ALK: variants seen among roughly 807,000 people sequenced by gnomAD.
The protein encoded by ALK is ALK tyrosine kinase receptor.
ALK carries 74 observed loss-of-function variants against 163.1 expected under a neutral mutation model. The observed-to-expected ratio is 0.45, with a 90% CI of 0.38 to 0.55. The LOEUF is 0.55. ALK is among the 20% of genes least tolerant of loss of function. The pLI, the probability that ALK is intolerant of heterozygous loss-of-function variation, is 0.00. For missense variants in ALK, 2,063 were observed against 2,105.3 expected (o/e 0.98, Z 0.39); for synonymous variants, 960 against 843.2 (o/e 1.14, Z -2.40).
intron 5 of ALK, among the ~76,000 whole-genome samples, chr2:29,370,257 C>G (rs968516138): frequency 6.6e-6 from 1 of 152,224 alleles, no homozygotes; most frequent in African/African-American, 2.4e-5. Flanking sequence ...TCCTGGATCT[C>G]TGGGTAGTGG....
At chr2:29,676,325 T>C (rs1677871560) in intron 3 of ALK, among the ~76,000 whole-genome samples, 1 of 152,114 alleles carries the variant, frequency 6.6e-6, no homozygotes. Flanking sequence ...GTAGAAACTG[T>C]ATACTTTTGG....
At chr2:29,880,609 T>C (rs542591732) in intron 1 of ALK, among the ~76,000 whole-genome samples, 64 of 152,320 alleles carry the variant, frequency 4.2e-4, no homozygotes, top group Non-Finnish European at 8.5e-4. Flanking sequence ...GCTGAAAGAA[T>C]AGCCCAAGTG....
chr2:29,285,154 G>A (rs552235950), intron 9 of ALK, among the ~76,000 whole-genome samples: 25 of 152,338 alleles, frequency 1.6e-4, no homozygotes, highest in African/African-American at 5.8e-4. Context: ...TTCACACTGA[G>A]GCTCCAATCA....
At chr2:29,197,439 G>A (rs2148142871) in intron 27 of ALK, 103 bp downstream of exon 27, 1 of 1,546,676 alleles carries the variant, frequency 6.5e-7, no homozygotes, top group Non-Finnish European at 8.8e-7. Context: ...AGGGAGGGCA[G>A]CCATCTGCCC....
intron 1 of ALK, among the ~76,000 whole-genome samples, chr2:29,797,227 T>C (rs528366047): frequency 1.3e-5 from 2 of 152,318 alleles, no homozygotes; most frequent in South Asian, 2.1e-4. Flanking sequence ...TCCCATCCTG[T>C]ATATTCTAAC....
intron 2 of ALK, among the ~76,000 whole-genome samples, chr2:29,717,103 C>T (rs1006495758): frequency 1.1e-4 from 15 of 138,308 alleles, no homozygotes; most frequent in South Asian, 7.0e-4. Context: ...ACCCAGGAGG[C>T]GGAGCTTGCA....
intron 3 of ALK, among the ~76,000 whole-genome samples, chr2:29,550,556 T>A (rs529602553): frequency 6.6e-6 from 1 of 152,370 alleles, no homozygotes; most frequent in African/African-American, 2.4e-5. Flanking sequence ...TAGATAAGGC[T>A]GAAGAAGGTG....
chr2:29,221,120 G>A lies in ALK; in HGVS notation c.3516-285C>T, dbSNP rs774516569. On this transcript the variant is annotated intron_variant, in intron 22 of 28. Coordinates refer to ENST00000389048, the MANE Select transcript of ALK (RefSeq NM_004304.5). ...CTTGGGTGAGGAAGTGTCTCAGGGG[G>A]CAGGAGAGTGTCTTTCTCAGATACT... 200 of 582,708 alleles carry A rather than the reference G, an allele frequency of 3.4e-4. 1 individual carries two copies. Among genetic ancestry groups the A allele is most frequent in the South Asian group, 1.6e-3 (108 of 65,560 alleles). The allele number at this position is 582,708 out of a possible 1,614,324, so 36.1% of individuals were successfully genotyped here. A position where few individuals can be genotyped will look rare whatever the true frequency, so the allele number is the denominator to read the frequency against.
intron 13 of ALK, among the ~76,000 whole-genome samples, chr2:29,234,118 G>A (rs143365796): frequency 1.5e-3 from 229 of 152,272 alleles, no homozygotes; most frequent in East Asian, 3.1e-3. Flanking sequence ...AAAAGCACAA[G>A]GGTCTCTTTG....
chr2:29,864,197 G>T (rs1339143169), intron 1 of ALK, among the ~76,000 whole-genome samples: 4 of 152,106 alleles, frequency 2.6e-5, no homozygotes, highest in Non-Finnish European at 5.9e-5. Context: ...TCTTGTCCCT[G>T]GCTACGTACA....
rs113220715 is a variant in ALK, at chr2:29,855,355, T to C, written c.667+64638A>G. Among the ~76,000 whole-genome samples the C allele has an allele frequency of 5.0e-3, 754 of 152,248 alleles. 4 individuals carry two copies. Among genetic ancestry groups the C allele is most frequent in the African/African-American group, 0.017 (721 of 41,550 alleles). ...CCATGCTATTCCCACTGTACAGGGC[T>C]GCCACCCTGATGCACAAGTAACTCA... On this transcript the variant is annotated intron_variant, in intron 1 of 28. Transcript: ENST00000389048.
intron 4 of ALK, among the ~76,000 whole-genome samples, chr2:29,503,464 A>C (rs557972234): frequency 1.3e-5 from 2 of 152,388 alleles, no homozygotes; most frequent in East Asian, 3.9e-4. Flanking sequence ...CAGGGAAATT[A>C]GATCTCACAG....
intron 2 of ALK, among the ~76,000 whole-genome samples, chr2:29,696,280 A>G (rs1268343343): frequency 6.6e-6 from 1 of 152,182 alleles, no homozygotes; most frequent in Non-Finnish European, 1.5e-5. Flanking sequence ...AAACTAACAC[A>G]GGAACAGAAA....
intron 5 of ALK, among the ~76,000 whole-genome samples, 200 bp downstream of exon 5, chr2:29,383,532 G>A (rs192965578): frequency 6.6e-6 from 1 of 152,148 alleles, no homozygotes; most frequent in Non-Finnish European, 1.5e-5. Context: ...GGCCAGGCTG[G>A]TCTTGAACTC....
intron 3 of ALK, among the ~76,000 whole-genome samples, chr2:29,545,361 A>T (rs978967822): frequency 6.6e-6 from 1 of 152,202 alleles, no homozygotes; most frequent in Non-Finnish European, 1.5e-5. Context: ...TTCAAACTTG[A>T]ATTCTACTAT....
At chr2:29,328,309 G>C in intron 6 of ALK, 41 bp downstream of exon 6, 1 of 1,613,836 alleles carries the variant, frequency 6.2e-7, no homozygotes, top group Non-Finnish European at 8.5e-7. Flanking sequence ...TTATGAGCAT[G>C]GGCTGGGCTC....
At chr2:29,600,039 C>T (rs1285633916) in intron 3 of ALK, among the ~76,000 whole-genome samples, 1 of 152,138 alleles carries the variant, frequency 6.6e-6, no homozygotes, top group Non-Finnish European at 1.5e-5. Flanking sequence ...AGAGCTCACT[C>T]CGGTGAGGAC....
intron 3 of ALK, among the ~76,000 whole-genome samples, chr2:29,647,561 T>C (rs1297407077): frequency 1.3e-5 from 2 of 152,136 alleles, no homozygotes; most frequent in East Asian, 1.9e-4. Context: ...GCATCTCTAT[T>C]TGAAGCTCTC....
intron 1 of ALK, among the ~76,000 whole-genome samples, chr2:29,803,875 T>G (rs1251238283): frequency 6.6e-6 from 1 of 152,220 alleles, no homozygotes; most frequent in Non-Finnish European, 1.5e-5. Flanking sequence ...GGGCTCTGCC[T>G]CAATGTCCCT....
Sources: allele counts gnomAD v4.1 joint callset (sites outside exome capture counted in the v4.1 genomes callset), GRCh38; gene constraint gnomAD v4.1.1; transcripts MANE v1.5; gene names NCBI Gene and HGNC (gene_info 2026-07-23, HGNC 2026-07-21).